DPP10: variants seen among roughly 807,000 people sequenced by gnomAD.
DPP10 encodes the protein inactive dipeptidyl peptidase 10.
A neutral mutation model predicts 120.9 loss-of-function variants in DPP10; 33 were observed. The ratio of observed to expected loss-of-function variants is 0.27; its 90% CI spans 0.21 to 0.37. The LOEUF is 0.37. Among genes scored for constraint, DPP10 ranks in the 10% least tolerant of loss-of-function variants. The pLI, the probability that DPP10 is intolerant of heterozygous loss-of-function variation, is 1.00. For synonymous variants in DPP10, 337 were observed against 326.1 expected, an observed-to-expected ratio of 1.03 and a Z score of -0.36; for missense variants, 816 against 942.8, an observed-to-expected ratio of 0.87 and a Z score of 1.76.
chr2:114,567,501 G>A (rs1339796817), intron 1 of DPP10, among the ~76,000 whole-genome samples: 5 of 152,146 alleles, frequency 3.3e-5, no homozygotes, highest in Non-Finnish European at 7.3e-5. Context: ...GATGAAGCAA[G>A]GGGCCATAAG....
intron 21 of DPP10, among the ~76,000 whole-genome samples, chr2:115,830,041 T>C (rs962581760): frequency 6.6e-6 from 1 of 152,232 alleles, no homozygotes; most frequent in African/African-American, 2.4e-5. Flanking sequence ...AGCAAAATTT[T>C]ATGGACATAG....
chr2:115,765,113 C>A (rs187008480), intron 12 of DPP10, among the ~76,000 whole-genome samples: 9 of 152,156 alleles, frequency 5.9e-5, no homozygotes, highest in Admixed American at 5.9e-4. Context: ...GAATGTTTAT[C>A]ACCAGACATT....
intron 1 of DPP10, among the ~76,000 whole-genome samples, chr2:114,950,534 T>C (rs913831104): frequency 5.3e-5 from 8 of 151,918 alleles, no homozygotes; most frequent in Admixed American, 3.3e-4. Context: ...CTCGATCTCC[T>C]GACCTGTGAT....
intron 4 of DPP10, among the ~76,000 whole-genome samples, chr2:115,522,370 T>A (rs1026294430): frequency 6.6e-6 from 1 of 152,196 alleles, no homozygotes; most frequent in African/African-American, 2.4e-5. Flanking sequence ...AAGGGAAACA[T>A]CCTAGTGGGT....
intron 1 of DPP10, among the ~76,000 whole-genome samples, chr2:114,538,915 T>C (rs2104788855): frequency 6.6e-6 from 1 of 152,250 alleles, no homozygotes; most frequent in African/African-American, 2.4e-5. Context: ...CATCGCTTTT[T>C]CTCATAGCCC....
chr2:114,625,400 C>T (rs1221263380), intron 1 of DPP10, among the ~76,000 whole-genome samples: 1 of 151,862 alleles, frequency 6.6e-6, no homozygotes, highest in Non-Finnish European at 1.5e-5. Context: ...GTATGTTTAT[C>T]AGGAGGCACA....
chr2:115,718,864 G>A lies in DPP10; in HGVS notation c.577-8952G>A, dbSNP rs953414487. Among the ~76,000 whole-genome samples, 4 of 152,016 alleles carry A rather than the reference G, an allele frequency of 2.6e-5. No individual in the cohort carries two copies. In the East Asian group the frequency reaches 7.7e-4, roughly 29 times the overall value. ...GGAAAAGTGAAAAAGGAGAAAGTTG[G>A]GTAGAGAAGAAAATGGATATGCAAT... On this transcript the variant is annotated intron_variant, in intron 7 of 25. Transcript: ENST00000410059.
At chr2:114,584,901 G>T (rs1024663642) in intron 1 of DPP10, among the ~76,000 whole-genome samples, 8 of 152,072 alleles carry the variant, frequency 5.3e-5, no homozygotes, top group African/African-American at 1.9e-4. Flanking sequence ...GGGAAAGTTT[G>T]GATCTCAAAG....
chr2:115,167,867 A>G (rs776611610), intron 1 of DPP10, among the ~76,000 whole-genome samples: 1 of 152,192 alleles, frequency 6.6e-6, no homozygotes, highest in Non-Finnish European at 1.5e-5. Flanking sequence ...CTACTCTGTA[A>G]GAAGTCAGGC....
intron 1 of DPP10, among the ~76,000 whole-genome samples, chr2:114,672,994 G>A (rs1395463870): frequency 3.3e-5 from 5 of 152,102 alleles, no homozygotes; most frequent in Non-Finnish European, 7.4e-5. Flanking sequence ...ACATCTTTCT[G>A]TTGTATTAAC....
chr2:115,327,009 T>C lies in DPP10; in HGVS notation c.176-16808T>C, dbSNP rs150706051. Among the ~76,000 whole-genome samples the C allele has an allele frequency of 8.8e-3, 1,346 of 152,198 alleles. 10 individuals carry two copies. Among genetic ancestry groups the C allele is most frequent in the Non-Finnish European group, 0.014 (927 of 67,950 alleles). ...ACTCACCACTCACTTACTGACTCAC[T>C]CAGAGTAACTTCCAATCCTACAAGC... is the stretch of plus-strand genomic sequence containing the variant. On this transcript the variant is annotated intron_variant, in intron 2 of 25. Coordinates refer to ENST00000410059, the MANE Select transcript of DPP10 (RefSeq NM_020868.6).
Position 115,350,762 on chromosome 2 carries a change from T to C in DPP10, c.271+6850T>C, listed in dbSNP as rs114419144. ...ACATAATATTTCCTGTAGTTTATTA[T>C]GTTCTTTTTTCTTCCACTAATCCAA... On this transcript the variant is annotated intron_variant, in intron 3 of 25. Coordinates refer to ENST00000410059, the MANE Select transcript of DPP10 (RefSeq NM_020868.6). Among the ~76,000 whole-genome samples, 682 of 152,296 alleles carry C rather than the reference T, an allele frequency of 4.5e-3. 3 individuals carry two copies. The highest frequency in any genetic ancestry group is 7.3e-3 in the Non-Finnish European group (495 of 68,008).
intron 1 of DPP10, among the ~76,000 whole-genome samples, chr2:114,624,953 G>A (rs927284967): frequency 1.1e-4 from 16 of 151,842 alleles, no homozygotes; most frequent in African/African-American, 3.4e-4. Context: ...TAATTCATTT[G>A]TAAATAATTA....
intron 2 of DPP10, among the ~76,000 whole-genome samples, chr2:115,328,874 G>C (rs1181121607): frequency 6.6e-6 from 1 of 151,992 alleles, no homozygotes; most frequent in Non-Finnish European, 1.5e-5. Flanking sequence ...TCTAACCAAA[G>C]AGATACCTGC....
intron 5 of DPP10, among the ~76,000 whole-genome samples, chr2:115,641,899 A>G (rs912787851): frequency 6.6e-6 from 1 of 152,200 alleles, no homozygotes; most frequent in Non-Finnish European, 1.5e-5. Context: ...ACAGCCTGAA[A>G]TAATGAAATG....
At chr2:115,102,082 G>A (rs999735741) in intron 1 of DPP10, among the ~76,000 whole-genome samples, 1 of 152,246 alleles carries the variant, frequency 6.6e-6, no homozygotes, top group South Asian at 2.1e-4. Context: ...TTACACAACA[G>A]ACATTTATTT....
chr2:115,540,528 A>G (rs1418753869), intron 5 of DPP10, among the ~76,000 whole-genome samples: 1 of 151,882 alleles, frequency 6.6e-6, no homozygotes, highest in Non-Finnish European at 1.5e-5. Flanking sequence ...TTTCAAAATA[A>G]GAGATACCTT....
chr2:115,494,832 CAG>C (rs374588884), intron 3 of DPP10, among the ~76,000 whole-genome samples: 19 of 152,146 alleles, frequency 1.2e-4, no homozygotes, highest in African/African-American at 3.9e-4. Context: ...ACTGATTTGC[CAG>C]AGTTTTTTCT....
In DPP10 at chr2:115,505,520, C is replaced by T. The variant is rs79366090; in HGVS notation, c.366+5916C>T. Among the ~76,000 whole-genome samples the T allele has an allele frequency of 2.9e-3, 434 of 152,136 alleles. 2 individuals are homozygous for T. The highest frequency in any genetic ancestry group is 9.8e-3 in the African/African-American group (406 of 41,524). Reference sequence around the variant, plus strand: ...CAGCTAGATTTATAACAACTGTTTGCGATTGTTTTGGAATTTGGCTTCCTG... The same window carrying T: ...CAGCTAGATTTATAACAACTGTTTGTGATTGTTTTGGAATTTGGCTTCCTG... On this transcript the variant is annotated intron_variant, in intron 4 of 25. Transcript: ENST00000410059.
Sources: gnomAD v4.1 joint callset for allele counts (sites outside exome capture counted in the v4.1 genomes callset) on GRCh38, gnomAD v4.1.1 for gene constraint, MANE v1.5 for transcripts, NCBI Gene and HGNC (gene_info 2026-07-23, HGNC 2026-07-21) for gene names.